Variants in ZSCAN18 observed in about 807,000 individuals in gnomAD.
The protein encoded by ZSCAN18 is zinc finger and SCAN domain containing 18, also known as zinc finger and SCAN domain-containing protein 18.
A neutral mutation model predicts 31.1 loss-of-function variants in ZSCAN18; 16 were observed. The observed-to-expected ratio is 0.51, with a 90% CI of 0.35 to 0.78. ZSCAN18 has a LOEUF of 0.78. Among genes scored for constraint, ZSCAN18 ranks in the 30% least tolerant of loss-of-function variants. ZSCAN18 has a pLI of 0.01. For missense variants in ZSCAN18, 731 were observed against 697.4 expected, an observed-to-expected ratio of 1.05 and a Z score of -0.54; for synonymous variants, 375 against 320.7, an observed-to-expected ratio of 1.17 and a Z score of -1.81.
At chr19:58,092,315 C>G (rs938483560) in intron 1 of ZSCAN18, 1 of 152,228 alleles carries the variant, frequency 6.6e-6, no homozygotes, top group African/African-American at 2.4e-5. Flanking sequence ...TGGCTGACGC[C>G]TGTAATCCCG....
intron 1 of ZSCAN18, among the ~76,000 whole-genome samples, chr19:58,115,682 C>CCA (rs2074723780): frequency 6.6e-6 from 1 of 152,040 alleles, no homozygotes; most frequent in Non-Finnish European, 1.5e-5. Flanking sequence ...ATTCTAAATG[C>CCA]CAAGAGATGT....
Position 58,089,899 on chromosome 19 carries a change from C to G in ZSCAN18, c.369G>C (p.Leu123=), listed in dbSNP as rs755925648. Residue 123 remains leucine, a synonymous_variant, in exon 2 of 7, where the codon CTG becomes CTC. Coordinates refer to ENST00000601144, the MANE Select transcript of ZSCAN18 (RefSeq NM_001145543.2). ...CCAGGACATCAGCGAGGCCCTCCAC[C>G]AGGGAGGCTGCCTTCTTGCAGCTCT... The part of the protein sequence containing the change: ...YPESCKKAAS[L]VEGLADVLEE... The G allele has an allele frequency of 6.2e-7, 1 of 1,613,196 alleles. No homozygotes were observed.
intron 1 of ZSCAN18, chr19:58,108,976 T>TAA (rs1396659718): frequency 8.6e-7 from 1 of 1,163,502 alleles, no homozygotes; most frequent in Non-Finnish European, 1.1e-6. Context: ...GTAACTAAAA[T>TAA]GTTTAACCTT....
intron 3 of ZSCAN18, 125 bp downstream of exon 3, chr19:58,088,563 A>G: frequency 1.1e-6 from 1 of 924,490 alleles, no homozygotes; most frequent in South Asian, 1.7e-5. Flanking sequence ...GGAAGTCCCA[A>G]TGATAGCATG....
At chr19:58,114,848 C>T (rs1374993706) in intron 1 of ZSCAN18, among the ~76,000 whole-genome samples, 2 of 152,124 alleles carry the variant, frequency 1.3e-5, no homozygotes, top group African/African-American at 4.8e-5. Context: ...AATATAAATG[C>T]CTCCTGGAGA....
chr19:58,089,799 A>G (rs1439618641), intron 2 of ZSCAN18, 66 bp downstream of exon 2: 4 of 1,528,284 alleles, frequency 2.6e-6, no homozygotes, highest in Non-Finnish European at 3.5e-6. Flanking sequence ...CATGGCTGGC[A>G]CTGGGGCCTT....
chr19:58,098,806 C>G (rs551332184), upstream of ZSCAN18, among the ~76,000 whole-genome samples: 16 of 152,162 alleles, frequency 1.1e-4, no homozygotes, highest in South Asian at 2.1e-4. Context: ...AGACAGGGAC[C>G]AGCAGACCCA....
At chr19:58,113,356 C>A (rs1170190834) in intron 1 of ZSCAN18, among the ~76,000 whole-genome samples, 2 of 150,830 alleles carry the variant, frequency 1.3e-5, no homozygotes, top group Non-Finnish European at 2.9e-5. Context: ...TGTGGGGAAT[C>A]TGCATTAGGA....
At chr19:58,113,084 G>A (rs541972571) in intron 1 of ZSCAN18, among the ~76,000 whole-genome samples, 1 of 151,904 alleles carries the variant, frequency 6.6e-6, no homozygotes, top group Non-Finnish European at 1.5e-5. Flanking sequence ...GGGAGGCCGA[G>A]GCAGGCAGAT....
intron 1 of ZSCAN18, among the ~76,000 whole-genome samples, chr19:58,093,847 C>T (rs2074464637): frequency 6.6e-6 from 1 of 152,080 alleles, no homozygotes; most frequent in Admixed American, 6.5e-5. Flanking sequence ...CTCACCACAA[C>T]CTCCACCTCC....
chr19:58,086,075 G>T, intron 6 of ZSCAN18, 99 bp downstream of exon 6: 1 of 946,830 alleles, frequency 1.1e-6, no homozygotes, highest in South Asian at 1.4e-5. Context: ...TCAATGCTGA[G>T]GTCTTTGCTG....
At chr19:58,091,123 G>A (rs2074401521) in intron 1 of ZSCAN18, among the ~76,000 whole-genome samples, 1 of 151,664 alleles carries the variant, frequency 6.6e-6, no homozygotes, top group Non-Finnish European at 1.5e-5. Flanking sequence ...TACAAAACTA[G>A]CTGGGTGTGG....
Position 58,092,738 on chromosome 19 carries a change from C to T in ZSCAN18, c.-119-2352G>A, listed in dbSNP as rs988591606. 1.1e-5 allele frequency: 11 copies of T among 983,802 alleles called. No individual in the cohort carries two copies. In the African/African-American group the frequency reaches 1.2e-4, roughly 11 times the overall value. The allele number at this position is 983,802 out of a possible 1,614,324, so 60.9% of individuals were successfully genotyped here. A position where few individuals can be genotyped will look rare whatever the true frequency, so the allele number is the denominator to read the frequency against. On this transcript the variant is annotated intron_variant, in intron 1 of 6. Transcript: ENST00000601144. ...TACCTCAAGCAGAACAGAGCCATGCCGTGCCATCATCACCACCACCACGAT... is the reference window on the plus strand; with the variant it reads ...TACCTCAAGCAGAACAGAGCCATGCTGTGCCATCATCACCACCACCACGAT...
chr19:58,085,362 C>T lies in ZSCAN18; in HGVS notation c.856G>A (p.Glu286Lys). Residue 286 changes from glutamate (E) to lysine (K), a missense_variant, in exon 7 of 7, where the codon GAG (glutamate) becomes AAG (lysine). Physicochemically the swap from Glu to Lys is moderately conservative, Grantham distance 56. Coordinates refer to ENST00000601144, the MANE Select transcript of ZSCAN18 (RefSeq NM_001145543.2). ...SSLPEGGRRQ[E>K]SAGCACEEAA... ...TCCTCGCAGGCGCACCCAGCGCTCT[C>T]CTGCCGCCTCCCGCCTTCTGGAACA... 1 of 1,590,444 alleles carries T rather than the reference C, an allele frequency of 6.3e-7. No individual in the cohort carries two copies. Among genetic ancestry groups the T allele is most frequent in the Non-Finnish European group, 8.5e-7 (1 of 1,176,812 alleles).
At chr19:58,110,404 C>T (rs2074672294) in intron 1 of ZSCAN18, among the ~76,000 whole-genome samples, 1 of 152,178 alleles carries the variant, frequency 6.6e-6, no homozygotes, top group African/African-American at 2.4e-5. Flanking sequence ...CCTCCCAACC[C>T]ACTCGGCCCC....
chr19:58,102,461 A>AAAACAAAC (rs75475027), upstream of ZSCAN18, among the ~76,000 whole-genome samples: 531 of 147,096 alleles, frequency 3.6e-3, 4 homozygotes, highest in Middle Eastern at 0.011. Context: ...ACTCCATCTC[A>AAAACAAAC]AAACAAACAA....
At chr19:58,114,808 A>C (rs2074717003) in intron 1 of ZSCAN18, among the ~76,000 whole-genome samples, 1 of 152,204 alleles carries the variant, frequency 6.6e-6, no homozygotes. Flanking sequence ...GTATTTCAGA[A>C]ACTTGTCAAA....
At chr19:58,112,949 T>TAAAAA (rs2074697790) in intron 1 of ZSCAN18, among the ~76,000 whole-genome samples, 1 of 8,154 alleles carries the variant, frequency 1.2e-4, no homozygotes, top group African/African-American at 2.6e-4. Context: ...AGGCTCCGTT[T>TAAAAA]CAAAAAAAAA....
rs1332853721 is a variant in ZSCAN18, at chr19:58,084,866, T to G, written c.1352A>C (p.His451Pro). Residue 451 changes from histidine (H) to proline (P), a missense_variant, in exon 7 of 7, where the codon CAC becomes CCC. By Grantham distance (77) the His-to-Pro change is moderately conservative. Around this residue, in one of 4 missense-constraint regions of ZSCAN18, gnomAD observed 597 missense variants for 499.5 expected, o/e 1.20. Transcript: ENST00000601144. The surrounding 1 kb of genome is among the most constrained non-coding windows in gnomAD (Gnocchi z 4.5). Reference protein sequence around the residue: ...YACQGCWKTFHFSLALAEHQK... With the variant: ...YACQGCWKTFPFSLALAEHQK... ...GTGCTCGGCTAGGGCCAGGCTGAAG[T>G]GGAAGGTCTTCCAGCAGCCCTGACA... 6 of 1,600,238 alleles carry G rather than the reference T, an allele frequency of 3.7e-6. No individual in the cohort carries two copies. The highest frequency in any genetic ancestry group is 4.3e-6 in the Non-Finnish European group (5 of 1,175,138).
Sources: allele counts gnomAD v4.1 joint callset (sites outside exome capture counted in the v4.1 genomes callset), GRCh38; gene constraint gnomAD v4.1.1; regional missense constraint gnomAD v4.1.1; non-coding constraint Gnocchi (gnomAD v3.1); transcripts MANE v1.5; gene names NCBI Gene and HGNC (gene_info 2026-07-23, HGNC 2026-07-21).